SPAG6: variants seen among roughly 807,000 people sequenced by gnomAD.
SPAG6 encodes sperm associated antigen 6.
A neutral mutation model predicts 58.5 loss-of-function variants in SPAG6; 49 were observed. The observed-to-expected ratio is 0.84, with a 90% CI of 0.67 to 1.06. The LOEUF (loss-of-function observed/expected upper bound fraction) is 1.06, where lower values mean the gene tolerates loss of function less well. SPAG6 is among the 50% of genes least tolerant of loss of function. The pLI is 0.00. For missense variants in SPAG6, 560 were observed against 611.3 expected, an observed-to-expected ratio of 0.92 and a Z score of 0.89; for synonymous variants, 233 against 225.6, an observed-to-expected ratio of 1.03 and a Z score of -0.29.
intron 8 of SPAG6, among the ~76,000 whole-genome samples, chr10:22,396,249 G>C (rs775519011): frequency 2.0e-5 from 3 of 152,174 alleles, no homozygotes; most frequent in Non-Finnish European, 4.4e-5. Flanking sequence ...GAGGGACCTG[G>C]TGGGAGATAA....
Position 22,416,949 on chromosome 10 carries a change from T to A in SPAG6, c.*261T>A. On this transcript the variant is annotated 3_prime_UTR_variant, in exon 11 of 11. Coordinates refer to ENST00000376624, the MANE Select transcript of SPAG6 (RefSeq NM_012443.4). The stretch of plus-strand genomic sequence containing the variant: ...CGTTAAAGGGCCTTAAGGCATTTTG[T>A]TATTCTGTTAAAAACCACACACACT... 3.4e-6 allele frequency: 1 copy of A among 296,018 alleles called. No individual in the cohort carries two copies. Among genetic ancestry groups the A allele is most frequent in the Non-Finnish European group, 6.4e-6 (1 of 155,322 alleles). 18.3% of individuals were successfully genotyped at this position (296,018 alleles called of 1,614,324 possible). A position where few individuals can be genotyped will look rare whatever the true frequency, so the allele number is the denominator to read the frequency against.
intron 9 of SPAG6, among the ~76,000 whole-genome samples, chr10:22,405,592 A>C (rs1390300139): frequency 6.7e-6 from 1 of 150,356 alleles, no homozygotes; most frequent in African/African-American, 2.5e-5. Flanking sequence ...ATTGGTCTAA[A>C]ATTCTCTTTT....
At chr10:22,377,129 A>T (rs1008590160) in intron 4 of SPAG6, among the ~76,000 whole-genome samples, 1 of 151,876 alleles carries the variant, frequency 6.6e-6, no homozygotes, top group African/African-American at 2.4e-5. Flanking sequence ...CACTTGCTCT[A>T]GGGGAAGCTG....
chr10:22,378,417 GT>G (rs35036098), intron 4 of SPAG6, among the ~76,000 whole-genome samples: 4,850 of 133,240 alleles, frequency 0.036, 130 homozygotes, highest in African/African-American at 0.095. Context: ...GTCTGGGCAG[GT>G]TTTTTTTTTT....
rs1283684664 is a variant in SPAG6 at position 22,417,339 on chromosome 10, C to T, written c.*651C>T. 3.3e-5 allele frequency: 5 copies of T among 152,162 alleles called. No homozygotes were observed. The East Asian group carries it at 7.7e-4, about 23-fold the overall frequency. The allele number at this position is 152,162 out of a possible 1,614,324, so 9.4% of individuals were successfully genotyped here. On this transcript the variant is annotated 3_prime_UTR_variant, in exon 11 of 11. Transcript: ENST00000376624. ...TCATGGGCCCAGCGAGGGTAGAATTCAGAATAGAGAGTTATACTCCTGCAT... is the reference window on the plus strand; with the variant it reads ...TCATGGGCCCAGCGAGGGTAGAATTTAGAATAGAGAGTTATACTCCTGCAT...
chr10:22,384,998 A>T (rs1438145893), intron 4 of SPAG6, among the ~76,000 whole-genome samples: 1 of 152,278 alleles, frequency 6.6e-6, no homozygotes, highest in East Asian at 1.9e-4. Flanking sequence ...TATAAAAGTG[A>T]AAATACATCA....
rs1388766384 is a variant in SPAG6 at position 22,411,429 on chromosome 10, G to C, written c.1460+253G>C. On this transcript the variant is annotated intron_variant, in intron 10 of 10. Coordinates refer to ENST00000376624, the MANE Select transcript of SPAG6 (RefSeq NM_012443.4). The stretch of plus-strand genomic sequence containing the variant: ...CTAATTTAACATGTGCTTTACTAAA[G>C]AGTACCCAAATATAGAGTTCAAAGT... The C allele has an allele frequency of 4.3e-5, 14 of 323,676 alleles. No homozygotes were observed. In the East Asian group the frequency reaches 7.2e-4, roughly 17 times the overall value. The allele number at this position is 323,676 out of a possible 1,614,324, so 20.1% of individuals were successfully genotyped here.
rs1834076359 is a variant in SPAG6, at chr10:22,386,870, C to T, written c.589C>T (p.His197Tyr). 1 of 1,613,684 alleles carries T rather than the reference C, an allele frequency of 6.2e-7. No individual in the cohort carries two copies. The highest frequency in any genetic ancestry group is 8.5e-7 in the Non-Finnish European group (1 of 1,179,790). Residue 197 changes from histidine (H) to tyrosine (Y), a missense_variant, in exon 5 of 11, where the codon CAT (histidine) becomes TAT (tyrosine). Transcript: ENST00000376624. ...TTCGGCCCTCAGTGATATTGCAAAG[C>T]ATTCTCCAGAGTTAGCACAGACAGT... Reference protein sequence around the residue: ...AASALSDIAKHSPELAQTVVD... With the variant: ...AASALSDIAKYSPELAQTVVD...
Position 22,386,930 on chromosome 10 carries a change from A to T in SPAG6, c.649A>T (p.Met217Leu). Residue 217 changes from methionine (M) to leucine (L), a missense_variant, in exon 5 of 11, where the codon ATG becomes TTG. Met to Leu is a conservative substitution (Grantham distance 15). Transcript: ENST00000376624. Reference sequence around the variant, plus strand: ...AGGAGCTGTTGCTCATTTAGCCCAGATGATCCTGAACCCTGATGCTAAATT... The same window carrying T: ...AGGAGCTGTTGCTCATTTAGCCCAGTTGATCCTGAACCCTGATGCTAAATT... Reference protein sequence around the residue: ...DAGAVAHLAQMILNPDAKLKH... With the variant: ...DAGAVAHLAQLILNPDAKLKH... 3.7e-6 allele frequency: 6 copies of T among 1,613,662 alleles called. No individual in the cohort carries two copies. Among genetic ancestry groups the T allele is most frequent in the Non-Finnish European group, 5.1e-6 (6 of 1,179,698 alleles).
chr10:22,411,744 A>G (rs1297413758), intron 10 of SPAG6: 1 of 152,028 alleles, frequency 6.6e-6, no homozygotes, highest in East Asian at 1.9e-4. Context: ...AGAGCATTCA[A>G]CCTAAGCCTC....
intron 4 of SPAG6, among the ~76,000 whole-genome samples, chr10:22,380,232 G>C (rs965215544): frequency 1.3e-5 from 2 of 152,200 alleles, no homozygotes; most frequent in African/African-American, 4.8e-5. Context: ...TGAATGGGAT[G>C]AGGAATTATT....
In SPAG6 at chr10:22,411,070, A is replaced by G. The variant is rs1834720073; in HGVS notation, c.1354A>G (p.Thr452Ala). The change falls in exon 10 of 11, where the codon ACA becomes GCA. Residue 452 changes from threonine (T) to alanine (A), a missense_variant. Thr to Ala is a moderately conservative substitution (Grantham distance 58, BLOSUM62 0). Transcript: ENST00000376624. Reference protein sequence around the residue: ...HDSKARRLFVTSGGLKKVQEI... With the variant: ...HDSKARRLFVASGGLKKVQEI... ...TAGCAAAGCTCGACGACTTTTTGTA[A>G]CAAGTGGTGGCCTTAAAAAAGTTCA... 1 of 1,614,092 alleles carries G rather than the reference A, an allele frequency of 6.2e-7. No homozygotes were observed. Among genetic ancestry groups the G allele is most frequent in the Non-Finnish European group, 8.5e-7 (1 of 1,179,990 alleles).
At chr10:22,391,571 T>G (rs1346749227) in intron 7 of SPAG6, among the ~76,000 whole-genome samples, 158 bp from the exon 8 acceptor site, 2 of 152,184 alleles carry the variant, frequency 1.3e-5, no homozygotes, top group Non-Finnish European at 2.9e-5. Flanking sequence ...TGTTATTGAC[T>G]TAAGAAATGA....
chr10:22,350,068 C>G (rs1836674713), intron 2 of SPAG6, among the ~76,000 whole-genome samples: 1 of 151,240 alleles, frequency 6.6e-6, no homozygotes. Context: ...AACAAAGCAA[C>G]TACAAAAAAT....
intron 8 of SPAG6, among the ~76,000 whole-genome samples, chr10:22,392,741 C>T (rs556535792): frequency 1.3e-5 from 2 of 152,058 alleles, no homozygotes; most frequent in African/African-American, 2.4e-5. Context: ...TGAAACTTAA[C>T]TTTAGATGGC....
chr10:22,369,601 A>G (rs530478538), intron 4 of SPAG6, among the ~76,000 whole-genome samples: 1 of 152,266 alleles, frequency 6.6e-6, no homozygotes, highest in African/African-American at 2.4e-5. Context: ...ACTACCATTT[A>G]GTTGCTGTGT....
At chr10:22,378,417 G>GT (rs35036098) in intron 4 of SPAG6, among the ~76,000 whole-genome samples, 1,378 of 133,286 alleles carry the variant, frequency 0.01, 10 homozygotes, top group East Asian at 0.06. Flanking sequence ...GTCTGGGCAG[G>GT]TTTTTTTTTT....
At chr10:22,371,644 A>G (rs1833697742) in intron 4 of SPAG6, among the ~76,000 whole-genome samples, 1 of 152,206 alleles carries the variant, frequency 6.6e-6, no homozygotes. Context: ...AATATTAGTG[A>G]AAAACTGTTT....
At chr10:22,406,233 G>A (rs547246743) in intron 9 of SPAG6, among the ~76,000 whole-genome samples, 119 of 152,140 alleles carry the variant, frequency 7.8e-4, no homozygotes, top group Non-Finnish European at 7.6e-4. Flanking sequence ...TGATGTTAGG[G>A]TGTCAATTTT....
Sources: allele counts gnomAD v4.1 joint callset (sites outside exome capture counted in the v4.1 genomes callset), GRCh38; gene constraint gnomAD v4.1.1; transcripts MANE v1.5; gene names NCBI Gene and HGNC (gene_info 2026-07-23, HGNC 2026-07-21).